Variants in ZDHHC9 observed in about 807,000 individuals in gnomAD.
ZDHHC9 encodes the protein palmitoyltransferase ZDHHC9.
In ZDHHC9, 3 loss-of-function variants were observed where a neutral mutation model predicts 26.6. The observed-to-expected ratio is 0.11, with a 90% CI of 0.05 to 0.29. ZDHHC9 has a LOEUF of 0.29. ZDHHC9 is among the 10% of genes least tolerant of loss of function. The pLI, the probability that ZDHHC9 is intolerant of heterozygous loss-of-function variation, is 1.00. For missense variants in ZDHHC9, 146 were observed against 296.4 expected (o/e 0.49, Z 3.73); for synonymous variants, 111 against 109.4 (o/e 1.01, Z -0.09).
At chrX:129,832,768 G>A (rs1386818901) in intron 3 of ZDHHC9, among the ~76,000 whole-genome samples, 2 of 95,453 alleles carry the variant, frequency 2.1e-5, no homozygotes, top group African/African-American at 1.1e-4. Flanking sequence ...GGGTGACAGT[G>A]CAAGACTCCG....
rs1474634149 is a variant in ZDHHC9, at chrX:129,842,122, A to G, written c.-135-42T>C. ...AAAGAAAAAAAAATGAGGCAATAAT[A>G]AGAAAATACAGTTCAACCCTCCTTT... On this transcript the variant is annotated intron_variant, in intron 2 of 10. Coordinates refer to ENST00000357166, the MANE Select transcript of ZDHHC9 (RefSeq NM_016032.4). The G allele has an allele frequency of 5.7e-6, 3 of 524,613 alleles. No homozygotes were observed. The African/African-American group carries it at 7.1e-5, about 12-fold the overall frequency. The allele number at this position is 524,613 out of a possible 1,213,427, so 43.2% of individuals were successfully genotyped here.
intron 4 of ZDHHC9, among the ~76,000 whole-genome samples, chrX:129,825,497 A>C (rs1253594204): frequency 9.0e-6 from 1 of 111,493 alleles, no homozygotes; most frequent in African/African-American, 3.3e-5. Context: ...ACATTTTCTC[A>C]TTGTTAATTT....
chrX:129,828,297 CT>C (rs746260225), intron 4 of ZDHHC9, among the ~76,000 whole-genome samples: 1 of 111,560 alleles, frequency 9.0e-6, no homozygotes, highest in Non-Finnish European at 1.9e-5. Flanking sequence ...CTCAAGCCCC[CT>C]CCCACTCTGT....
chrX:129,832,964 C>CAAA (rs11317653), intron 3 of ZDHHC9, among the ~76,000 whole-genome samples: 3 of 35,032 alleles, frequency 8.6e-5, no homozygotes, highest in African/African-American at 1.9e-4. Context: ...GACTCCACCT[C>CAAA]AAAAAAAAAA....
chrX:129,843,141 GAGGGCAAAGGTCCAA>G (rs1569324473), intron 2 of ZDHHC9, 103 bp downstream of exon 2: 1 of 112,624 alleles, frequency 8.9e-6, no homozygotes, highest in East Asian at 2.8e-4. Flanking sequence ...GCGGGCTGGA[GAGGGCAAAGGTCCAA>G]AAACAGCCTA....
Position 129,827,576 on chromosome X carries a change from C to T in ZDHHC9, c.328+1405G>A, listed in dbSNP as rs573456004. 2.7e-5 allele frequency among the ~76,000 whole-genome samples: 3 copies of T among 110,791 alleles called. No homozygotes were observed. In the South Asian group the frequency reaches 1.2e-3, roughly 44 times the overall value. ...AGTCTTCTTTCTCACTGTGAGATCC[C>T]AGGATATCTCCTCCTCTGGCCCTGG... is the stretch of plus-strand genomic sequence containing the variant. On this transcript the variant is annotated intron_variant, in intron 4 of 10. Coordinates refer to ENST00000357166, the MANE Select transcript of ZDHHC9 (RefSeq NM_016032.4).
chrX:129,835,236 C>T (rs1928230542), intron 3 of ZDHHC9, among the ~76,000 whole-genome samples: 1 of 111,057 alleles, frequency 9.0e-6, no homozygotes, highest in African/African-American at 3.3e-5. Context: ...CACTTGAGCT[C>T]AGGAGTTCAA....
rs183294691 is a variant in ZDHHC9, at chrX:129,806,706, G to C, written c.979-220C>G. Among the ~76,000 whole-genome samples, 3 of 111,473 alleles carry C rather than the reference G, an allele frequency of 2.7e-5. No homozygotes were observed. In the Admixed American group the frequency reaches 2.9e-4, roughly 11 times the overall value. On this transcript the variant is annotated intron_variant, in intron 10 of 10. Coordinates refer to ENST00000357166, the MANE Select transcript of ZDHHC9 (RefSeq NM_016032.4). Reference sequence around the variant, plus strand: ...AGTTTGATCCTTAACTGTTGGTTGGGGACAGATTTTTCTATTATTATTAAT... The same window carrying C: ...AGTTTGATCCTTAACTGTTGGTTGGCGACAGATTTTTCTATTATTATTAAT...
At chrX:129,815,200 G>T (rs1236983750) in intron 5 of ZDHHC9, among the ~76,000 whole-genome samples, 1 of 111,521 alleles carries the variant, frequency 9.0e-6, no homozygotes, top group African/African-American at 3.3e-5. Context: ...TATTTAAAAT[G>T]GTATGGCATA....
rs1036465250 is a variant in ZDHHC9, at chrX:129,828,399, G to A, written c.328+582C>T. On this transcript the variant is annotated intron_variant, in intron 4 of 10. Coordinates refer to ENST00000357166, the MANE Select transcript of ZDHHC9 (RefSeq NM_016032.4). The stretch of plus-strand genomic sequence containing the variant: ...GCAATTTGGGAGATCAAGGCGGGCG[G>A]ATCACAAGGTCAGGAGATCGAGACC... Among the ~76,000 whole-genome samples, 5 of 109,771 alleles carry A rather than the reference G, an allele frequency of 4.6e-5. No individual in the cohort carries two copies. The East Asian group carries it at 8.7e-4, about 19-fold the overall frequency.
At chrX:129,839,898 T>C (rs1433505861) in intron 3 of ZDHHC9, among the ~76,000 whole-genome samples, 1 of 111,717 alleles carries the variant, frequency 9.0e-6, no homozygotes, top group East Asian at 2.8e-4. Flanking sequence ...CAAAAATATT[T>C]AGTCTTTCAC....
rs981695989 is a variant in ZDHHC9, at chrX:129,806,095, C to T, written c.*275G>A. On this transcript the variant is annotated 3_prime_UTR_variant, in exon 11 of 11. Coordinates refer to ENST00000357166, the MANE Select transcript of ZDHHC9 (RefSeq NM_016032.4). ...GGGAAGAGAGGGGGTCCAAGGGGAC[C>T]CTGTGGCTGAGGCCATGGAGAACCA... The T allele has an allele frequency of 5.4e-5, 19 of 350,688 alleles. No homozygotes were observed. The East Asian group carries it at 6.4e-4, about 12-fold the overall frequency. 28.9% of individuals were successfully genotyped at this position (350,688 alleles called of 1,213,427 possible). A position where few individuals can be genotyped will look rare whatever the true frequency, so the allele number is the denominator to read the frequency against.
intron 10 of ZDHHC9, 42 bp downstream of exon 10, chrX:129,810,863 G>T: frequency 9.0e-7 from 1 of 1,114,754 alleles, no homozygotes; most frequent in Non-Finnish European, 1.2e-6. Context: ...ATTAGCCTCC[G>T]CCCTCTCTAT....
At chrX:129,821,594 C>A (rs190200414) in intron 5 of ZDHHC9, among the ~76,000 whole-genome samples, 424 of 108,123 alleles carry the variant, frequency 3.9e-3, no homozygotes, top group Non-Finnish European at 6.4e-3. Flanking sequence ...CCTGGCCAGA[C>A]CTTCTTTAAA....
Position 129,839,328 on chromosome X carries a change from A to G in ZDHHC9, c.167+2451T>C, listed in dbSNP as rs756091073. ...CAGGTGCAAGGGATTCTCCTGCCTC[A>G]GCCTTCCGAGTAGCTGGGACTACAG... On this transcript the variant is annotated intron_variant, in intron 3 of 10. Coordinates refer to ENST00000357166, the MANE Select transcript of ZDHHC9 (RefSeq NM_016032.4). Among the ~76,000 whole-genome samples, 12 of 108,109 alleles carry G rather than the reference A, an allele frequency of 1.1e-4. No individual in the cohort carries two copies. The South Asian group carries it at 5.0e-3, about 45-fold the overall frequency. The allele number at this position is 108,109 out of a possible 115,157, so 93.9% of individuals were successfully genotyped here.
intron 5 of ZDHHC9, 150 bp downstream of exon 5, chrX:129,823,529 G>A (rs1371787691): frequency 6.4e-6 from 4 of 622,502 alleles, no homozygotes; most frequent in African/African-American, 4.4e-5. Context: ...CAGTTTTTCA[G>A]GAGCTTGTTG....
chrX:129,823,680 C>T lies in ZDHHC9; in HGVS notation c.486G>A (p.Val162=), dbSNP rs761202815. 1 of 1,212,362 alleles carries T rather than the reference C, an allele frequency of 8.2e-7. No individual in the cohort carries two copies. The highest frequency in any genetic ancestry group is 3.0e-5 in the East Asian group (1 of 33,878). Residue 162 remains valine, a splice_region_variant and synonymous_variant, in exon 5 of 11, where the codon GTG becomes GTA. Transcript: ENST00000357166. ...CAATGTCCCTGTAGTTTTACTCACC[C>T]ACACAGTTGTCACAGATGCTGCAAT... ...ASHCSICDNC[V]ERFDHHCPWV...
At chrX:129,821,159 C>A (rs910755846) in intron 5 of ZDHHC9, among the ~76,000 whole-genome samples, 1 of 111,747 alleles carries the variant, frequency 8.9e-6, no homozygotes, top group African/African-American at 3.3e-5. Flanking sequence ...GGCAAGGTTG[C>A]GGGGAAATAG....
chrX:129,838,720 C>T (rs1370865031), intron 3 of ZDHHC9, among the ~76,000 whole-genome samples: 3 of 110,116 alleles, frequency 2.7e-5, no homozygotes, highest in East Asian at 5.6e-4. Flanking sequence ...AACACTCTAA[C>T]AATACAGAGC....
Sources: allele counts gnomAD v4.1 joint callset (sites outside exome capture counted in the v4.1 genomes callset), GRCh38; gene constraint gnomAD v4.1.1; transcripts MANE v1.5; gene names NCBI Gene and HGNC (gene_info 2026-07-23, HGNC 2026-07-21).